RYR2: variants seen among roughly 807,000 people sequenced by gnomAD.
RYR2 encodes the protein ryanodine receptor 2.
Under a neutral mutation model 601.1 loss-of-function variants are expected in RYR2, and 227 were observed. The observed-to-expected ratio is 0.38, with a 90% CI of 0.34 to 0.42. RYR2 has a LOEUF of 0.42. Ranked by LOEUF, RYR2 falls within the 10% of genes least tolerant of loss-of-function variation. RYR2 has a pLI of 1.00. For missense variants in RYR2, 4,646 were observed against 6,156.5 expected, an observed-to-expected ratio of 0.75 and a Z score of 8.21; for synonymous variants, 2,223 against 2,175.1, an observed-to-expected ratio of 1.02 and a Z score of -0.61.
intron 2 of RYR2, 40 bp from the exon 3 acceptor site, chr1:237,330,838 G>A (rs1331102223): frequency 1.3e-6 from 2 of 1,505,828 alleles, no homozygotes; most frequent in African/African-American, 1.4e-5. Context: ...GATGCTTGAT[G>A]AAGATGATGC....
intron 1 of RYR2, among the ~76,000 whole-genome samples, chr1:237,170,068 C>T (rs1386753841): frequency 1.3e-5 from 2 of 151,974 alleles, no homozygotes; most frequent in Non-Finnish European, 2.9e-5. Flanking sequence ...TGGAGGGATT[C>T]TGGCAATAGA....
intron 5 of RYR2, 27 bp downstream of exon 5, chr1:237,364,399 G>A (rs1007214961): frequency 1.3e-5 from 17 of 1,291,678 alleles, no homozygotes; most frequent in Non-Finnish European, 1.9e-5. Flanking sequence ...TATATGCTAT[G>A]TATATATATA....
chr1:237,577,363 C>G (rs1280450859), intron 29 of RYR2, among the ~76,000 whole-genome samples: 1 of 152,144 alleles, frequency 6.6e-6, no homozygotes, highest in Non-Finnish European at 1.5e-5. Context: ...GAATATGTTA[C>G]TTTACATAGC....
At chr1:237,044,873 G>T (rs1335039329) in intron 1 of RYR2, among the ~76,000 whole-genome samples, 3 of 148,822 alleles carry the variant, frequency 2.0e-5, no homozygotes, top group African/African-American at 7.4e-5. Flanking sequence ...TTCCCACATT[G>T]AAGTCGCTTC....
At chr1:237,408,340 T>C (rs1384531853) in intron 10 of RYR2, among the ~76,000 whole-genome samples, 1 of 150,082 alleles carries the variant, frequency 6.7e-6, no homozygotes, top group Non-Finnish European at 1.5e-5. Context: ...ATTAGGTCTG[T>C]GATCCATTTT....
intron 25 of RYR2, among the ~76,000 whole-genome samples, chr1:237,536,644 G>A: frequency 6.6e-6 from 1 of 150,384 alleles, no homozygotes; most frequent in Non-Finnish European, 1.5e-5. Context: ...GAATCCGGGA[G>A]GCGGAGGTTG....
At chr1:237,785,137 G>C (rs1302188295) in intron 90 of RYR2, 165 bp downstream of exon 90, 2 of 641,486 alleles carry the variant, frequency 3.1e-6, no homozygotes, top group Non-Finnish European at 5.5e-6. Context: ...GTTTTTAAGA[G>C]TCCTTATGAA....
intron 1 of RYR2, among the ~76,000 whole-genome samples, chr1:237,258,911 T>A (rs1282142779): frequency 1.3e-5 from 2 of 152,144 alleles, no homozygotes; most frequent in African/African-American, 4.8e-5. Flanking sequence ...AAACTGGGAC[T>A]AGAAAAGCAT....
At chr1:237,760,875 G>A (rs778235613) in intron 83 of RYR2, 80 bp from the exon 84 acceptor site, 187 of 821,554 alleles carry the variant, frequency 2.3e-4, no homozygotes, top group Middle Eastern at 4.9e-4. Flanking sequence ...AAGATATATG[G>A]TGTTTAGATG....
chr1:237,571,047 A>G (rs1002039443), intron 29 of RYR2, among the ~76,000 whole-genome samples: 7 of 152,120 alleles, frequency 4.6e-5, no homozygotes, highest in African/African-American at 1.7e-4. Flanking sequence ...GGATCACTCG[A>G]GTCCAGGGAG....
chr1:237,475,587 G>GA, intron 17 of RYR2, among the ~76,000 whole-genome samples: 1 of 152,098 alleles, frequency 6.6e-6, no homozygotes, highest in Non-Finnish European at 1.5e-5. Flanking sequence ...ATTATACAGA[G>GA]ACACATTAGC....
At chr1:237,732,818 T>A (rs1468283829) in intron 78 of RYR2, among the ~76,000 whole-genome samples, 1 of 152,214 alleles carries the variant, frequency 6.6e-6, no homozygotes, top group Non-Finnish European at 1.5e-5. Context: ...AGAGGACCTT[T>A]ATCTGCTGCC....
chr1:237,643,816 G>A lies in RYR2; in HGVS notation c.7342+369G>A, dbSNP rs548988454. ...TTTTAAGTAGAGATGGGGTTTCACC[G>A]TGTTAGCCAGGATGGTCTCGATCTC... On this transcript the variant is annotated intron_variant, in intron 48 of 104. Transcript: ENST00000366574. Among the ~76,000 whole-genome samples, 14 of 152,020 alleles carry A rather than the reference G, an allele frequency of 9.2e-5. 1 individual carries two copies. The highest frequency in any genetic ancestry group is 5.2e-4 in the Admixed American group (8 of 15,258).
Position 237,614,064 on chromosome 1 carries a change from G to T in RYR2, c.4936G>T (p.Glu1646Ter). The change falls in exon 37 of 105, where the codon GAG becomes TAG. Residue 1646 changes from glutamate (E) to a stop codon, truncating the protein, a stop_gained. Coordinates refer to ENST00000366574, the MANE Select transcript of RYR2 (RefSeq NM_001035.3). LOFTEE classifies it high-confidence loss of function. This position sits in a 1 kb window ranked among gnomAD's most constrained non-coding sequence, Gnocchi z 4.3. ...NRSVDILELT[E>*]QEELLKFHYH... ...ATCTGTTGACATCTTAGAGTTGACA[G>T]AGCAGGAGGAATTGCTGAAATTTCA... is the stretch of plus-strand genomic sequence containing the variant. 1.2e-6 allele frequency: 2 copies of T among 1,613,830 alleles called. No individual in the cohort carries two copies. The highest frequency in any genetic ancestry group is 2.2e-5 in the South Asian group (2 of 91,056).
chr1:237,474,280 CACACATATATATATAT>C (rs752639076), intron 17 of RYR2, among the ~76,000 whole-genome samples: 289 of 49,504 alleles, frequency 5.8e-3, no homozygotes, highest in Admixed American at 0.014. Flanking sequence ...CACACACACA[CACACATATATATATAT>C]ACACACACAC....
intron 87 of RYR2, among the ~76,000 whole-genome samples, chr1:237,778,380 G>A (rs1484533190): frequency 1.9e-5 from 2 of 106,136 alleles, no homozygotes; most frequent in African/African-American, 7.3e-5. Flanking sequence ...TCTAAATAGA[G>A]GAGATCAAAG....
In RYR2 at chr1:237,833,428, T is replaced by A. The variant is rs139272315; in HGVS notation, c.*781T>A. Reference sequence around the variant, plus strand: ...GCTCTGATGCAACATTGCAACTTTATGAAATCTTTGTATGAAAACAAAAAG... The same window carrying A: ...GCTCTGATGCAACATTGCAACTTTAAGAAATCTTTGTATGAAAACAAAAAG... On this transcript the variant is annotated 3_prime_UTR_variant, in exon 105 of 105. Coordinates refer to ENST00000366574, the MANE Select transcript of RYR2 (RefSeq NM_001035.3). 1.1e-4 allele frequency: 16 copies of A among 149,014 alleles called. No homozygotes were observed. The East Asian group carries it at 3.1e-3, about 29-fold the overall frequency. The allele number at this position is 149,014 out of a possible 1,614,324, so 9.2% of individuals were successfully genotyped here. A position where few individuals can be genotyped will look rare whatever the true frequency, so the allele number is the denominator to read the frequency against.
intron 10 of RYR2, among the ~76,000 whole-genome samples, chr1:237,395,564 T>TTTTTTTTTTTTTTTTG (rs1400077755): frequency 3.9e-5 from 3 of 77,632 alleles, no homozygotes; most frequent in African/African-American, 1.8e-4. Context: ...TTTTTTTTTT[T>TTTTTTTTTTTTTTTTG]GAGACAGAGT....
At chr1:237,760,361 TAA>T (rs34435442) in intron 83 of RYR2, among the ~76,000 whole-genome samples, 93 of 100,118 alleles carry the variant, frequency 9.3e-4, no homozygotes, top group Middle Eastern at 6.3e-3. Flanking sequence ...GTCGCTAATT[TAA>T]AAAAAAAAAA....
Sources: allele counts gnomAD v4.1 joint callset (sites outside exome capture counted in the v4.1 genomes callset), GRCh38; gene constraint gnomAD v4.1.1; non-coding constraint Gnocchi (gnomAD v3.1); transcripts MANE v1.5; gene names NCBI Gene and HGNC (gene_info 2026-07-23, HGNC 2026-07-21).